The following ELFN2 variants were observed in gnomAD, a reference collection of about 807,000 sequenced individuals.
ELFN2 encodes the protein extracellular leucine rich repeat and fibronectin type III domain containing 2, also known as protein phosphatase 1 regulatory subunit 29.
In ELFN2, 17 loss-of-function variants were observed where a neutral mutation model predicts 45.5. That is an observed-to-expected ratio of 0.37 (90% CI 0.26 to 0.56). ELFN2 has a LOEUF of 0.56. Among genes scored for constraint, ELFN2 ranks in the 20% least tolerant of loss-of-function variants. The probability of loss-of-function intolerance (pLI) is 0.77; values close to 1 mark genes in which losing one functional copy is unlikely to be tolerated. For synonymous variants in ELFN2, 550 were observed against 551.5 expected (o/e 1.00, Z 0.04); for missense variants, 922 against 1,183.2 (o/e 0.78, Z 3.24).
intron 1 of ELFN2, among the ~76,000 whole-genome samples, chr22:37,426,482 CCA>C (rs930209074): frequency 1.3e-5 from 2 of 151,770 alleles, no homozygotes; most frequent in Non-Finnish European, 2.9e-5. Flanking sequence ...CACCCCATGT[CCA>C]CACACACACG....
intron 2 of ELFN2, among the ~76,000 whole-genome samples, chr22:37,409,543 A>G (rs1932594458): frequency 6.6e-6 from 1 of 152,226 alleles, no homozygotes; most frequent in African/African-American, 2.4e-5. Flanking sequence ...GCCAACAGCG[A>G]GAGGAGCCCA....
chr22:37,357,891 G>A (rs1359025098), intron 1 of ELFN2, among the ~76,000 whole-genome samples: 2 of 152,144 alleles, frequency 1.3e-5, no homozygotes, highest in African/African-American at 2.4e-5. Context: ...TCAGCAGCAC[G>A]AGCGTGGCCA....
rs12168322 is a variant in ELFN2, at chr22:37,351,443, G to A, written n.149-8740C>T. ...TTCTCCACCTCCCTCACCTCTCCTC[G>A]AGTGACAGGTGCTGGGTGCTGGCAT... is the stretch of plus-strand genomic sequence containing the variant. On this transcript the variant is annotated intron_variant and non_coding_transcript_variant, in intron 1 of 2. Transcript: ENST00000452946. Among the ~76,000 whole-genome samples, 1,472 of 149,206 alleles carry A rather than the reference G, an allele frequency of 9.9e-3. 45 individuals are homozygous for A. The highest frequency in any genetic ancestry group is 0.034 in the African/African-American group (1,385 of 41,122).
Position 37,353,846 on chromosome 22 carries a change from A to C in ELFN2, n.149-11143T>G, listed in dbSNP as rs1930882215. On this transcript the variant is annotated intron_variant and non_coding_transcript_variant, in intron 1 of 2. Transcript: ENST00000452946. The stretch of plus-strand genomic sequence containing the variant: ...GTAAACCCGTGCAAGCACTTTGGGA[A>C]CTCGAATGGTATCTAGGAAAGAGGA... 3 of 150,926 alleles carry C rather than the reference A, an allele frequency of 2.0e-5. 1 individual carries two copies. The highest frequency in any genetic ancestry group is 2.0e-4 in the Admixed American group (3 of 15,166). The allele number at this position is 150,926 out of a possible 1,614,324, so 9.3% of individuals were successfully genotyped here.
chr22:37,366,100 A>G (rs1009185875), downstream of ELFN2, among the ~76,000 whole-genome samples: 4 of 152,194 alleles, frequency 2.6e-5, no homozygotes, highest in Admixed American at 2.0e-4. Flanking sequence ...AAGTGTGCAG[A>G]AAGGGAAGCA....
intron 1 of ELFN2, among the ~76,000 whole-genome samples, chr22:37,350,319 T>A (rs1008283773): frequency 6.7e-6 from 1 of 150,038 alleles, no homozygotes; most frequent in Non-Finnish European, 1.5e-5. Context: ...CAAAAGAAGT[T>A]CCATTTCTGC....
At chr22:37,411,370 CCT>C (rs1178928636) in intron 2 of ELFN2, among the ~76,000 whole-genome samples, 1 of 151,586 alleles carries the variant, frequency 6.6e-6, no homozygotes, top group Non-Finnish European at 1.5e-5. Context: ...AGTGCCAACC[CCT>C]CTCTGTAGCC....
intron 2 of ELFN2, among the ~76,000 whole-genome samples, chr22:37,409,678 G>A (rs1268944167): frequency 6.6e-6 from 1 of 152,238 alleles, no homozygotes; most frequent in Admixed American, 6.5e-5. Context: ...GTGGGTGAAA[G>A]TAGAAAAAGT....
At chr22:37,355,857 TCTAC>T (rs1221389701) in intron 1 of ELFN2, among the ~76,000 whole-genome samples, 1 of 152,226 alleles carries the variant, frequency 6.6e-6, no homozygotes, top group Admixed American at 6.5e-5. Flanking sequence ...CGTCTTTTCT[TCTAC>T]CTATTTGCCA....
At position 37,373,652 on chromosome 22, in the gene ELFN2, G is replaced by A. The variant is rs1230326914; in HGVS notation, c.1883C>T (p.Thr628Ile). 3 of 1,587,238 alleles carry A rather than the reference G, an allele frequency of 1.9e-6. No individual in the cohort carries two copies. Among genetic ancestry groups the A allele is most frequent in the Non-Finnish European group, 2.6e-6 (3 of 1,167,756 alleles). The part of the protein sequence containing the change: ...LSADAAVTRK[T>I]CSVSSSGSIK... ...GGAACCACTGGACGACACGCTGCAG[G>A]TCTTGCGGGTCACGGCCGCGTCGGC... The change falls in exon 3 of 3, where the codon ACC (threonine) becomes ATC (isoleucine). Residue 628 changes from threonine (T) to isoleucine (I), a missense_variant. Around this residue, in one of 2 missense-constraint regions of ELFN2, gnomAD observed 564 missense variants for 642.8 expected, o/e 0.88. Transcript: ENST00000402918.
chr22:37,385,794 G>A (rs1464908530), intron 2 of ELFN2, among the ~76,000 whole-genome samples: 1 of 152,142 alleles, frequency 6.6e-6, no homozygotes, highest in Non-Finnish European at 1.5e-5. Flanking sequence ...CTGACCCATG[G>A]CTCCTGGGTT....
chr22:37,403,776 C>T (rs1003712716), intron 2 of ELFN2, among the ~76,000 whole-genome samples: 1 of 152,268 alleles, frequency 6.6e-6, no homozygotes, highest in African/African-American at 2.4e-5. Flanking sequence ...ATCGGCGGTG[C>T]CCGCCGTGTA....
Position 37,370,582 on chromosome 22 carries a change from G to A in ELFN2, c.*2490C>T, listed in dbSNP as rs953218007. 4 of 152,814 alleles carry A rather than the reference G, an allele frequency of 2.6e-5. No homozygotes were observed. The highest frequency in any genetic ancestry group is 4.4e-5 in the Non-Finnish European group (3 of 68,208). The allele number at this position is 152,814 out of a possible 1,614,324, so 9.5% of individuals were successfully genotyped here. ...GCTGCCCTCCCTGGCATGGAGGAGG[G>A]GAAGGAACTGGGGACAAGGGAGGTG... On this transcript the variant is annotated 3_prime_UTR_variant, in exon 3 of 3. Coordinates refer to ENST00000402918, the MANE Select transcript of ELFN2 (RefSeq NM_052906.5).
chr22:37,423,139 G>C (rs554641576), intron 1 of ELFN2, among the ~76,000 whole-genome samples: 11 of 152,262 alleles, frequency 7.2e-5, no homozygotes, highest in Admixed American at 5.9e-4. Context: ...TGTCACCCGG[G>C]GGAGCCCTCC....
At chr22:37,415,791 T>C (rs1468116164) in intron 2 of ELFN2, among the ~76,000 whole-genome samples, 2 of 151,978 alleles carry the variant, frequency 1.3e-5, no homozygotes, top group African/African-American at 4.8e-5. Context: ...TGAAACTCCA[T>C]CTCTACTAAA....
At chr22:37,358,570 G>A (rs543887471) in intron 1 of ELFN2, among the ~76,000 whole-genome samples, 27 of 152,270 alleles carry the variant, frequency 1.8e-4, no homozygotes, top group South Asian at 4.1e-4. Flanking sequence ...CATTCTTCTC[G>A]TCCCATTTCC....
At chr22:37,363,365 C>A (rs570420833), downstream of ELFN2, among the ~76,000 whole-genome samples, 1 of 152,288 alleles carries the variant, frequency 6.6e-6, no homozygotes, top group Non-Finnish European at 1.5e-5. Context: ...AGTTTTCTCC[C>A]CCTAGACCAT....
rs552566178 is a variant in ELFN2, at chr22:37,400,357, T to C, written c.-463+17412A>G. On this transcript the variant is annotated intron_variant, in intron 2 of 2. Coordinates refer to ENST00000402918, the MANE Select transcript of ELFN2 (RefSeq NM_052906.5). ...CAGCAGGGGCAGTTGTCCCCTCCCC[T>C]CACCCCCGGAGGCCCACACACCTGT... is the stretch of plus-strand genomic sequence containing the variant. Among the ~76,000 whole-genome samples, 104 of 152,010 alleles carry C rather than the reference T, an allele frequency of 6.8e-4. No individual in the cohort carries two copies. The South Asian group carries it at 0.013, about 19-fold the overall frequency.
Position 37,375,305 on chromosome 22 carries a change from C to G in ELFN2, c.230G>C (p.Arg77Pro). 6.2e-7 allele frequency: 1 copy of G among 1,614,038 alleles called. No individual in the cohort carries two copies. Among genetic ancestry groups the G allele is most frequent in the Non-Finnish European group, 8.5e-7 (1 of 1,180,016 alleles). Residue 77 changes from arginine (R) to proline (P), a missense_variant, in exon 3 of 3, where the codon CGC (arginine) becomes CCC (proline). By Grantham distance (103) the Arg-to-Pro change is moderately radical. Coordinates refer to ENST00000402918, the MANE Select transcript of ELFN2 (RefSeq NM_052906.5). Reference protein sequence around the residue: ...LKAVLYSSLNRFGNLTDLNLT... With the variant: ...LKAVLYSSLNPFGNLTDLNLT... Reference sequence around the variant, plus strand: ...GTTGAGGTCGGTGAGGTTCCCAAAGCGGTTGAGCGAGGAGTAGAGCACGGC... The same window carrying G: ...GTTGAGGTCGGTGAGGTTCCCAAAGGGGTTGAGCGAGGAGTAGAGCACGGC...
Sources: allele counts gnomAD v4.1 joint callset (sites outside exome capture counted in the v4.1 genomes callset), GRCh38; gene constraint gnomAD v4.1.1; regional missense constraint gnomAD v4.1.1; transcripts MANE v1.5; gene names NCBI Gene and HGNC (gene_info 2026-07-23, HGNC 2026-07-21).